Variants in KLHL4 observed in about 807,000 individuals in gnomAD.
KLHL4 encodes the protein kelch-like protein 4.
A neutral mutation model predicts 45.8 loss-of-function variants in KLHL4; 17 were observed. That is an observed-to-expected ratio of 0.37 (90% CI 0.25 to 0.56). The LOEUF is 0.56. Ranked by LOEUF, KLHL4 falls within the 20% of genes least tolerant of loss-of-function variation. The pLI is 0.79. For synonymous variants in KLHL4, 224 were observed against 189.9 expected (o/e 1.18, Z -1.47); for missense variants, 544 against 544.9 (o/e 1.00, Z 0.02).
chrX:87,623,288 CTTTTTTT>C (rs67869297), intron 5 of KLHL4, among the ~76,000 whole-genome samples: 3 of 50,202 alleles, frequency 6.0e-5, no homozygotes, highest in Non-Finnish European at 1.0e-4. Flanking sequence ...TTCCTTTTTT[CTTTTTTT>C]TTTTTTTTTT....
At chrX:87,533,617 A>G (rs1006985705) in intron 1 of KLHL4, among the ~76,000 whole-genome samples, 1 of 107,737 alleles carries the variant, frequency 9.3e-6, no homozygotes, top group African/African-American at 3.4e-5. Flanking sequence ...TGACCAGTTA[A>G]TGGGTGCAGC....
At chrX:87,523,048 A>G (rs898477603) in intron 1 of KLHL4, among the ~76,000 whole-genome samples, 1 of 112,323 alleles carries the variant, frequency 8.9e-6, no homozygotes, top group Admixed American at 9.5e-5. Context: ...TGTGAAAGAC[A>G]TCATTTAATT....
At chrX:87,648,358 C>T (rs1923703811) in intron 9 of KLHL4, among the ~76,000 whole-genome samples, 1 of 111,137 alleles carries the variant, frequency 9.0e-6, no homozygotes, top group Admixed American at 9.6e-5. Context: ...AAAAAAATCA[C>T]AATCAAAACC....
At chrX:87,591,594 GC>G (rs1227950767) in intron 1 of KLHL4, among the ~76,000 whole-genome samples, 1 of 111,678 alleles carries the variant, frequency 9.0e-6, no homozygotes, top group Non-Finnish European at 1.9e-5. Context: ...CTCCCACTTT[GC>G]AGATTGTGTC....
At chrX:87,645,808 C>A (rs755931236) in intron 9 of KLHL4, among the ~76,000 whole-genome samples, 21 of 111,402 alleles carry the variant, frequency 1.9e-4, no homozygotes, top group African/African-American at 6.8e-4. Flanking sequence ...GAATGGAAAA[C>A]CAAACATTGT....
intron 1 of KLHL4, among the ~76,000 whole-genome samples, chrX:87,522,614 T>A (rs759978945): frequency 8.0e-5 from 9 of 112,320 alleles, no homozygotes; most frequent in Non-Finnish European, 1.5e-4. Context: ...GACTTTTATG[T>A]CAAATGAAGG....
intron 5 of KLHL4, among the ~76,000 whole-genome samples, chrX:87,623,811 C>T (rs138774448): frequency 0.021 from 2,324 of 111,466 alleles, 25 homozygotes; most frequent in Middle Eastern, 0.069. Flanking sequence ...TTTGGATTGA[C>T]AGATGATCTT....
chrX:87,625,335 A>T, intron 5 of KLHL4, among the ~76,000 whole-genome samples: 1 of 111,914 alleles, frequency 8.9e-6, no homozygotes, highest in Non-Finnish European at 1.9e-5. Context: ...GGCTCAAACG[A>T]TCAACCCACC....
At chrX:87,622,499 T>C in intron 5 of KLHL4, 76 bp downstream of exon 5, 1 of 663,627 alleles carries the variant, frequency 1.5e-6, no homozygotes, top group South Asian at 4.3e-5. Context: ...CTTATTTGCC[T>C]AATTTTATTT....
At chrX:87,577,776 C>T (rs1310355173) in intron 1 of KLHL4, among the ~76,000 whole-genome samples, 2 of 111,114 alleles carry the variant, frequency 1.8e-5, no homozygotes, top group East Asian at 2.8e-4. Flanking sequence ...TTAATAGAAT[C>T]ATGCTATGCT....
intron 1 of KLHL4, among the ~76,000 whole-genome samples, chrX:87,572,302 C>A: frequency 1.4e-5 from 1 of 72,301 alleles, no homozygotes; most frequent in East Asian, 8.4e-4. Flanking sequence ...ATTGTCTACC[C>A]TTTCTTCCTT....
At chrX:87,545,561 TC>T (rs1240056988) in intron 1 of KLHL4, among the ~76,000 whole-genome samples, 13 of 111,774 alleles carry the variant, frequency 1.2e-4, no homozygotes, top group African/African-American at 4.2e-4. Context: ...AAACCACTTT[TC>T]TTCATAAATT....
At chrX:87,628,733 A>T (rs762310642) in intron 6 of KLHL4, among the ~76,000 whole-genome samples, 1 of 111,792 alleles carries the variant, frequency 8.9e-6, no homozygotes, top group East Asian at 2.8e-4. Flanking sequence ...TGAAAAATTT[A>T]ACTTTTATAT....
At chrX:87,593,227 T>A (rs6521948) in intron 1 of KLHL4, among the ~76,000 whole-genome samples, 1 of 109,639 alleles carries the variant, frequency 9.1e-6, no homozygotes, top group Non-Finnish European at 1.9e-5. Flanking sequence ...TATGTGTAGA[T>A]TCAGATCTCT....
chrX:87,609,377 C>T (rs1922298756), intron 1 of KLHL4, among the ~76,000 whole-genome samples: 1 of 111,950 alleles, frequency 8.9e-6, no homozygotes, highest in African/African-American at 3.3e-5. Flanking sequence ...GTCCCACCAA[C>T]AGTGTAAAAG....
At chrX:87,612,781 C>T (rs750742393) in intron 1 of KLHL4, among the ~76,000 whole-genome samples, 1 of 111,217 alleles carries the variant, frequency 9.0e-6, no homozygotes, top group South Asian at 3.8e-4. Context: ...TAAGCTAATT[C>T]GACATTGAAT....
chrX:87,647,278 C>G (rs1307482834), intron 9 of KLHL4, among the ~76,000 whole-genome samples: 1 of 111,690 alleles, frequency 9.0e-6, no homozygotes, highest in Non-Finnish European at 1.9e-5. Flanking sequence ...ACACTTTACA[C>G]TATTGGTGGG....
chrX:87,559,382 G>C (rs5969259), intron 1 of KLHL4, among the ~76,000 whole-genome samples: 27,801 of 110,432 alleles, frequency 0.25, 2,985 homozygotes, highest in East Asian at 0.51. Flanking sequence ...ATCCTGTTAC[G>C]TTGACAGCCT....
At chrX:87,653,766 T>C (rs776526199) in intron 9 of KLHL4, among the ~76,000 whole-genome samples, 1 of 111,911 alleles carries the variant, frequency 8.9e-6, no homozygotes, top group Non-Finnish European at 1.9e-5. Flanking sequence ...AAAGAAAATG[T>C]GGTACATATA....
Sources: gnomAD v4.1 joint callset for allele counts (sites outside exome capture counted in the v4.1 genomes callset) on GRCh38, gnomAD v4.1.1 for gene constraint, MANE v1.5 for transcripts, NCBI Gene and HGNC (gene_info 2026-07-23, HGNC 2026-07-21) for gene names.